The following CRACD variants were observed in gnomAD, a reference collection of about 807,000 sequenced individuals.
The protein encoded by CRACD is capping protein-inhibiting regulator of actin dynamics.
Under a neutral mutation model 106.8 loss-of-function variants are expected in CRACD, and 56 were observed. The observed-to-expected ratio is 0.52, with a 90% CI of 0.42 to 0.66. CRACD has a LOEUF of 0.66. Ranked by LOEUF, CRACD falls within the 30% of genes least tolerant of loss-of-function variation. CRACD has a pLI of 0.00. For synonymous variants in CRACD, 754 were observed against 670.8 expected (o/e 1.12, Z -1.92); for missense variants, 1,730 against 1,623.2 (o/e 1.07, Z -1.13).
At chr4:56,118,270 G>A (rs1051308467) in intron 1 of CRACD, among the ~76,000 whole-genome samples, 6 of 152,040 alleles carry the variant, frequency 3.9e-5, no homozygotes, top group Admixed American at 1.3e-4. Context: ...CAAAGGCTCC[G>A]TTTCCCCACC....
At chr4:56,149,365 C>A (rs1293720983) in intron 1 of CRACD, among the ~76,000 whole-genome samples, 1 of 152,134 alleles carries the variant, frequency 6.6e-6, no homozygotes, top group East Asian at 1.9e-4. Flanking sequence ...GTACAAAGAT[C>A]TAGCCTTTCA....
At position 56,098,178 on chromosome 4, in the gene CRACD, G is replaced by A. The variant is rs1044405061; in HGVS notation, c.-336+48879G>A. On this transcript the variant is annotated intron_variant, in intron 1 of 10. Transcript: ENST00000682029. ...ACAAATGTGTTACTGTAGACATTGA[G>A]GGGACTTAGTAAATTTACTTTGAAA... Among the ~76,000 whole-genome samples, 44 of 152,228 alleles carry A rather than the reference G, an allele frequency of 2.9e-4. No individual in the cohort carries two copies. The Middle Eastern group carries it at 0.014, about 47-fold the overall frequency.
chr4:56,256,386 A>G (rs1002937546), intron 2 of CRACD, among the ~76,000 whole-genome samples: 1 of 152,192 alleles, frequency 6.6e-6, no homozygotes, highest in African/African-American at 2.4e-5. Flanking sequence ...ACTGTAGTCC[A>G]TTAAACCTCT....
rs375230504 is a variant in CRACD, at chr4:56,268,238, T to C, written c.-188-4083T>C. Among the ~76,000 whole-genome samples the C allele has an allele frequency of 2.2e-4, 33 of 152,364 alleles. No individual in the cohort carries two copies. The East Asian group carries it at 5.8e-3, about 27-fold the overall frequency. On this transcript the variant is annotated intron_variant, in intron 2 of 10. Coordinates refer to ENST00000682029, the MANE Select transcript of CRACD (RefSeq NM_001393381.1). ...CAAATTAAACTTCAACTGAACATTATTAAATTCCCCTGACTTTATGGCAGT... is the reference window on the plus strand; with the variant it reads ...CAAATTAAACTTCAACTGAACATTACTAAATTCCCCTGACTTTATGGCAGT...
At chr4:56,122,459 A>T (rs1329182178) in intron 1 of CRACD, among the ~76,000 whole-genome samples, 2 of 152,226 alleles carry the variant, frequency 1.3e-5, no homozygotes, top group East Asian at 3.8e-4. Context: ...GTACCTGGAC[A>T]GCATACTTCC....
chr4:56,144,222 G>A (rs1325183384), intron 1 of CRACD, among the ~76,000 whole-genome samples: 3 of 152,130 alleles, frequency 2.0e-5, no homozygotes, highest in African/African-American at 4.8e-5. Flanking sequence ...TGAGAGATGA[G>A]GCTCCAATGC....
At chr4:56,116,752 A>C (rs1445061959) in intron 1 of CRACD, among the ~76,000 whole-genome samples, 1 of 152,166 alleles carries the variant, frequency 6.6e-6, no homozygotes, top group Non-Finnish European at 1.5e-5. Context: ...TCTGTCTCCC[A>C]GGCTGGAGTG....
At chr4:56,205,322 A>G (rs1196611927) in intron 2 of CRACD, among the ~76,000 whole-genome samples, 1 of 152,042 alleles carries the variant, frequency 6.6e-6, no homozygotes, top group Non-Finnish European at 1.5e-5. Context: ...AAATTATATT[A>G]GGGTAGCAGG....
chr4:56,273,336 C>G (rs963421681), intron 3 of CRACD, among the ~76,000 whole-genome samples: 1 of 151,274 alleles, frequency 6.6e-6, no homozygotes, highest in Non-Finnish European at 1.5e-5. Flanking sequence ...TTCCTTCCTC[C>G]CTCCCTACGT....
At chr4:56,183,097 G>A (rs978137796) in intron 2 of CRACD, among the ~76,000 whole-genome samples, 4 of 151,812 alleles carry the variant, frequency 2.6e-5, no homozygotes, top group African/African-American at 7.3e-5. Flanking sequence ...GCCGGGCATG[G>A]TGGCGCATGC....
chr4:56,251,298 C>T (rs568390990), intron 2 of CRACD, among the ~76,000 whole-genome samples: 1 of 152,310 alleles, frequency 6.6e-6, no homozygotes, highest in Admixed American at 6.5e-5. Flanking sequence ...GTTCAGTTAG[C>T]TTAACTTTTC....
At chr4:56,290,736 C>T (rs1743658280) in intron 3 of CRACD, among the ~76,000 whole-genome samples, 1 of 152,204 alleles carries the variant, frequency 6.6e-6, no homozygotes, top group African/African-American at 2.4e-5. Flanking sequence ...CTCAGCCATG[C>T]TCCTTTGTAC....
At chr4:56,263,898 G>A (rs1023248784) in intron 2 of CRACD, among the ~76,000 whole-genome samples, 1 of 152,020 alleles carries the variant, frequency 6.6e-6, no homozygotes. Context: ...AGTTGTGCCC[G>A]ATCTCTCTCT....
intron 2 of CRACD, among the ~76,000 whole-genome samples, chr4:56,189,964 C>G (rs1396673044): frequency 1.0e-5 from 1 of 96,928 alleles, no homozygotes; most frequent in African/African-American, 4.0e-5. Flanking sequence ...TGCTAACCCT[C>G]CCCCCTCCCC....
At chr4:56,142,142 TTC>T (rs1735225351) in intron 1 of CRACD, among the ~76,000 whole-genome samples, 1 of 152,238 alleles carries the variant, frequency 6.6e-6, no homozygotes, top group South Asian at 2.1e-4. Context: ...TTTATTGACT[TTC>T]TGTTTTTATA....
intron 1 of CRACD, among the ~76,000 whole-genome samples, chr4:56,143,959 T>C (rs1388722421): frequency 2.0e-5 from 3 of 152,062 alleles, no homozygotes; most frequent in African/African-American, 7.2e-5. Context: ...GGGAAATATA[T>C]GGCGTGTGGG....
At chr4:56,074,045 C>G (rs1732753211) in intron 1 of CRACD, among the ~76,000 whole-genome samples, 1 of 152,070 alleles carries the variant, frequency 6.6e-6, no homozygotes, top group Admixed American at 6.6e-5. Flanking sequence ...GGGCTCTGTT[C>G]TGTTCCATTG....
rs897149668 is a variant in CRACD at position 56,315,801 on chromosome 4, C to G, written c.2299C>G (p.Arg767Gly). 2 of 1,614,188 alleles carry G rather than the reference C, an allele frequency of 1.2e-6. No individual in the cohort carries two copies. The highest frequency in any genetic ancestry group is 1.7e-6 in the Non-Finnish European group (2 of 1,180,040). ...CCCCCAGCCTCCTCCTGCTGGTGTT[C>G]GCGAGCTCGGGAAGGGTCCGGAGAA... ...TAPQPPPAGV[R>G]ELGKGPEKSE... is the part of the protein sequence containing the mutation. Residue 767 changes from arginine to glycine, a missense_variant, in exon 8 of 11, where the codon CGC becomes GGC. Arg to Gly is a moderately radical substitution (Grantham distance 125). Coordinates refer to ENST00000682029, the MANE Select transcript of CRACD (RefSeq NM_001393381.1). The surrounding 1 kb of genome is among the most constrained non-coding windows in gnomAD (Gnocchi z 4.1).
intron 2 of CRACD, among the ~76,000 whole-genome samples, chr4:56,237,979 A>G (rs1231879371): frequency 6.6e-6 from 1 of 151,076 alleles, no homozygotes; most frequent in Non-Finnish European, 1.5e-5. Flanking sequence ...CTATATAACA[A>G]ACTACCTCTG....
Sources: allele counts gnomAD v4.1 joint callset (sites outside exome capture counted in the v4.1 genomes callset), GRCh38; gene constraint gnomAD v4.1.1; non-coding constraint Gnocchi (gnomAD v3.1); transcripts MANE v1.5; gene names NCBI Gene and HGNC (gene_info 2026-07-23, HGNC 2026-07-21).